NLGN1: variants seen among roughly 807,000 people sequenced by gnomAD.
NLGN1 encodes the protein neuroligin 1.
A neutral mutation model predicts 65.5 loss-of-function variants in NLGN1; 12 were observed. That is an observed-to-expected ratio of 0.18 (90% confidence interval 0.12 to 0.30). The LOEUF is 0.30. Among genes scored for constraint, NLGN1 ranks in the 10% least tolerant of loss-of-function variants. The probability of loss-of-function intolerance (pLI) is 1.00; values close to 1 mark genes in which losing one functional copy is unlikely to be tolerated. For missense variants in NLGN1, 750 were observed against 1,007.1 expected, an observed-to-expected ratio of 0.74 and a Z score of 3.46; for synonymous variants, 350 against 359.5, an observed-to-expected ratio of 0.97 and a Z score of 0.30.
At chr3:173,593,851 T>C (rs565378481) in intron 2 of NLGN1, among the ~76,000 whole-genome samples, 2 of 152,160 alleles carry the variant, frequency 1.3e-5, no homozygotes, top group Non-Finnish European at 2.9e-5. Context: ...ACTTCTTACA[T>C]GTTGGCGGCA....
intron 4 of NLGN1, among the ~76,000 whole-genome samples, chr3:173,855,841 A>G (rs1409691489): frequency 6.6e-6 from 1 of 152,132 alleles, no homozygotes; most frequent in Non-Finnish European, 1.5e-5. Flanking sequence ...TTTATAATTT[A>G]TAATATTATG....
intron 3 of NLGN1, among the ~76,000 whole-genome samples, chr3:173,673,783 C>T (rs1249032326): frequency 6.6e-6 from 1 of 151,904 alleles, no homozygotes; most frequent in Admixed American, 6.6e-5. Flanking sequence ...TTCTTGGCAT[C>T]TTGAACAAAG....
At chr3:173,904,406 G>A (rs1737949846) in intron 4 of NLGN1, among the ~76,000 whole-genome samples, 1 of 151,922 alleles carries the variant, frequency 6.6e-6, no homozygotes, top group Non-Finnish European at 1.5e-5. Context: ...CTTTGTCCTG[G>A]CTTCTCTCTT....
chr3:173,747,089 C>CACACACACACACAA (rs1477144916), intron 3 of NLGN1, among the ~76,000 whole-genome samples: 3 of 139,612 alleles, frequency 2.1e-5, no homozygotes, highest in African/African-American at 7.7e-5. Context: ...CACACACACA[C>CACACACACACACAA]ACAAACACAC....
intron 2 of NLGN1, chr3:173,585,004 G>A (rs1747110679): frequency 6.6e-6 from 1 of 152,136 alleles, no homozygotes; most frequent in Admixed American, 6.5e-5. Context: ...AAAGATGAGG[G>A]GGCTCCCTCT....
intron 1 of NLGN1, among the ~76,000 whole-genome samples, chr3:173,402,306 C>A (rs1464746550): frequency 6.6e-6 from 1 of 152,080 alleles, no homozygotes; most frequent in Non-Finnish European, 1.5e-5. Context: ...ATTAACATTG[C>A]TATGGACGAC....
intron 3 of NLGN1, among the ~76,000 whole-genome samples, chr3:173,653,427 T>C (rs901859788): frequency 1.2e-4 from 19 of 152,244 alleles, no homozygotes; most frequent in Admixed American, 6.5e-5. Context: ...TTGCCTAGTT[T>C]GTTAAGGGTC....
At chr3:173,986,378 A>G (rs535502111) in intron 4 of NLGN1, among the ~76,000 whole-genome samples, 4 of 152,206 alleles carry the variant, frequency 2.6e-5, no homozygotes, top group African/African-American at 9.6e-5. Flanking sequence ...GAGGGGAAGG[A>G]GAATCGCTCA....
At chr3:173,953,951 C>T (rs1748706545) in intron 4 of NLGN1, among the ~76,000 whole-genome samples, 1 of 151,944 alleles carries the variant, frequency 6.6e-6, no homozygotes. Context: ...CAGGTATGGC[C>T]ACCAAAGATG....
At chr3:173,768,990 G>A (rs1217147171) in intron 3 of NLGN1, among the ~76,000 whole-genome samples, 1 of 152,016 alleles carries the variant, frequency 6.6e-6, no homozygotes, top group Non-Finnish European at 1.5e-5. Context: ...GGCTGGTGTT[G>A]AAATCCTGGA....
chr3:173,974,911 A>T (rs1016728886), intron 4 of NLGN1, among the ~76,000 whole-genome samples: 1 of 152,092 alleles, frequency 6.6e-6, no homozygotes, highest in Non-Finnish European at 1.5e-5. Context: ...TAGGCTTTCA[A>T]GTCTTACTTT....
chr3:173,834,691 G>A (rs1170839515), intron 4 of NLGN1, among the ~76,000 whole-genome samples: 1 of 152,146 alleles, frequency 6.6e-6, no homozygotes, highest in East Asian at 1.9e-4. Context: ...AATACGTGAA[G>A]AAATTGAACA....
chr3:173,714,078 T>G (rs2149963258), intron 3 of NLGN1, among the ~76,000 whole-genome samples: 1 of 152,278 alleles, frequency 6.6e-6, no homozygotes, highest in South Asian at 2.1e-4. Flanking sequence ...CAACTAGAAT[T>G]TGAGGTTTAA....
At chr3:173,723,231 C>T (rs1771156862) in intron 3 of NLGN1, among the ~76,000 whole-genome samples, 2 of 152,154 alleles carry the variant, frequency 1.3e-5, no homozygotes, top group Admixed American at 6.5e-5. Flanking sequence ...CCCTGTGGAA[C>T]ATTATAAGGA....
intron 4 of NLGN1, among the ~76,000 whole-genome samples, chr3:173,952,312 G>T (rs1422300841): frequency 6.6e-6 from 1 of 152,160 alleles, no homozygotes; most frequent in African/African-American, 2.4e-5. Flanking sequence ...AAGAATGTGT[G>T]CCTGGAGCTG....
chr3:174,140,578 A>G (rs1423216540), intron 4 of NLGN1, among the ~76,000 whole-genome samples: 1 of 152,192 alleles, frequency 6.6e-6, no homozygotes, highest in Non-Finnish European at 1.5e-5. Flanking sequence ...CAACCCATAC[A>G]TGAGTGGAAG....
chr3:173,808,331 G>T (rs1176874927), intron 4 of NLGN1, among the ~76,000 whole-genome samples: 2 of 151,992 alleles, frequency 1.3e-5, no homozygotes, highest in African/African-American at 4.8e-5. Flanking sequence ...AATGTATTCT[G>T]ATTGAATTAT....
At chr3:173,526,667 C>T (rs565099496) in intron 2 of NLGN1, among the ~76,000 whole-genome samples, 1 of 152,234 alleles carries the variant, frequency 6.6e-6, no homozygotes, top group African/African-American at 2.4e-5. Flanking sequence ...ACTGTTGTCA[C>T]CCGCTATGTT....
At chr3:173,693,979 G>T (rs1016331112) in intron 3 of NLGN1, among the ~76,000 whole-genome samples, 2 of 151,998 alleles carry the variant, frequency 1.3e-5, no homozygotes, top group Non-Finnish European at 2.9e-5. Context: ...ACAATACACT[G>T]CTGAGAATAG....
Sources: gnomAD v4.1 joint callset for allele counts (sites outside exome capture counted in the v4.1 genomes callset) on GRCh38, gnomAD v4.1.1 for gene constraint, MANE v1.5 for transcripts, NCBI Gene and HGNC (gene_info 2026-07-23, HGNC 2026-07-21) for gene names.